Variants in LPIN2 observed in about 807,000 individuals in gnomAD.
LPIN2 encodes the protein lipin 2.
LPIN2 carries 55 observed loss-of-function variants against 111.4 expected under a neutral mutation model. That is an observed-to-expected ratio of 0.49 (90% CI 0.40 to 0.62). The LOEUF is 0.62. Among genes scored for constraint, LPIN2 ranks in the 20% least tolerant of loss-of-function variants. LPIN2 has a pLI of 0.00. For synonymous variants in LPIN2, 425 were observed against 414.0 expected (o/e 1.03, Z -0.32); for missense variants, 992 against 1,112.1 (o/e 0.89, Z 1.54).
In LPIN2 at chr18:2,918,273, A is replaced by AAAAAG. The variant is rs2076998413; in HGVS notation, c.*2015_*2019dup. The AAAAAG allele has an allele frequency of 6.6e-6, 1 of 152,256 alleles. No individual in the cohort carries two copies. The highest frequency in any genetic ancestry group is 1.5e-5 in the Non-Finnish European group (1 of 68,046). 9.4% of individuals were successfully genotyped at this position (152,256 alleles called of 1,614,324 possible). ...GTGTCCAAAGAGAAGAGCTGTCAAG[A>AAAAAG]AAAAGAAACTAGTCAAAAACTCTTT... On this transcript the variant is annotated 3_prime_UTR_variant, in exon 20 of 20. Transcript: ENST00000677752.
rs1396933114 is a variant in LPIN2 at position 2,920,860 on chromosome 18, C to T, written c.2464G>A (p.Val822Ile). Residue 822 changes from valine to isoleucine, a missense_variant, in exon 19 of 20, where the codon GTT becomes ATT. Val to Ile is a conservative substitution (Grantham distance 29). Coordinates refer to ENST00000677752, the MANE Select transcript of LPIN2 (RefSeq NM_001375808.2). ...RPNDVYAYTQ[V>I]GVPDCRIFTV... ...AATATTCTACAGTCTGGAACTCCAA[C>T]TTGTGTGTAGGCATAGACATCCTGC... The T allele has an allele frequency of 1.2e-6, 2 of 1,613,824 alleles. No individual in the cohort carries two copies. The highest frequency in any genetic ancestry group is 1.7e-6 in the Non-Finnish European group (2 of 1,179,690).
At chr18:2,966,789 T>C (rs1223156152) in intron 1 of LPIN2, among the ~76,000 whole-genome samples, 5 of 152,138 alleles carry the variant, frequency 3.3e-5, no homozygotes, top group African/African-American at 1.2e-4. Context: ...CATGGTCCAG[T>C]GTTACAAAGC....
chr18:2,957,933 CTGAG>C, intron 2 of LPIN2, among the ~76,000 whole-genome samples: 1 of 151,432 alleles, frequency 6.6e-6, no homozygotes, highest in Admixed American at 6.6e-5. Flanking sequence ...GGTGGATTAC[CTGAG>C]ATCAGGTAAT....
chr18:2,941,274 T>C (rs1278495902), intron 4 of LPIN2, among the ~76,000 whole-genome samples: 5 of 152,202 alleles, frequency 3.3e-5, no homozygotes, highest in African/African-American at 1.2e-4. Flanking sequence ...CTAATTTTCT[T>C]CTTTGTTTGG....
chr18:2,961,689 C>T (rs1285046040), intron 1 of LPIN2, among the ~76,000 whole-genome samples: 7 of 152,100 alleles, frequency 4.6e-5, no homozygotes, highest in Admixed American at 4.6e-4. Context: ...AACCAAATCC[C>T]CCCCTTCAGT....
intron 8 of LPIN2, among the ~76,000 whole-genome samples, chr18:2,932,351 T>G (rs1598532919): frequency 6.6e-6 from 1 of 152,344 alleles, no homozygotes; most frequent in East Asian, 1.9e-4. Flanking sequence ...ACTGGCTCTT[T>G]CAAACAAATC....
Position 2,921,797 on chromosome 18 carries a change from C to CT in LPIN2, c.2328-151dup. ...TTCTCCTTCTTTGCCAGTCTGATAA[C>CT]TAAGAAAATTTGAGTGATGAAGTTT... On this transcript the variant is annotated intron_variant, in intron 17 of 19. Transcript: ENST00000677752. 6 of 775,364 alleles carry CT rather than the reference C, an allele frequency of 7.7e-6. No individual in the cohort carries two copies. In the South Asian group the frequency reaches 9.8e-5, roughly 13 times the overall value. 48.0% of individuals were successfully genotyped at this position (775,364 alleles called of 1,614,324 possible). A position where few individuals can be genotyped will look rare whatever the true frequency, so the allele number is the denominator to read the frequency against.
intron 1 of LPIN2, among the ~76,000 whole-genome samples, chr18:2,976,761 TAAG>T (rs2078024784): frequency 6.6e-6 from 1 of 152,154 alleles, no homozygotes; most frequent in African/African-American, 2.4e-5. Flanking sequence ...CTTTTTAGTA[TAAG>T]AAGAAATGAT....
intron 1 of LPIN2, among the ~76,000 whole-genome samples, chr18:2,973,166 C>T (rs1208437233): frequency 6.6e-6 from 1 of 152,028 alleles, no homozygotes; most frequent in Non-Finnish European, 1.5e-5. Context: ...ATAGCTGTAC[C>T]TTGAACTATT....
Position 2,924,462 on chromosome 18 carries a change from T to C in LPIN2, c.2023A>G (p.Thr675Ala), listed in dbSNP as rs1247386252. The change falls in exon 15 of 20, where the codon ACC becomes GCC. Residue 675 changes from threonine to alanine, a missense_variant. By Grantham distance (58) the Thr-to-Ala change is moderately conservative (BLOSUM62 0). Transcript: ENST00000677752. ...TCATTCCAGTTCCACAGGTAAATGG[T>C]CCCTGCACAGCGACAGGTGCCTTGA... ...QYQGTCRCAG[T>A]IYLWNWNDKI... is the part of the protein sequence containing the mutation. 6.2e-7 allele frequency: 1 copy of C among 1,614,148 alleles called. No individual in the cohort carries two copies. Among genetic ancestry groups the C allele is most frequent in the Non-Finnish European group, 8.5e-7 (1 of 1,180,010 alleles).
At chr18:2,958,163 A>AAAAAAAAAAAAAAAAAAG (rs1568571278) in intron 2 of LPIN2, among the ~76,000 whole-genome samples, 2 of 142,664 alleles carry the variant, frequency 1.4e-5, no homozygotes, top group Non-Finnish European at 3.1e-5. Flanking sequence ...AAAAACAACA[A>AAAAAAAAAAAAAAAAAAG]AAAAAAAAAA....
At chr18:3,012,526 A>T (rs1206993588) in intron 1 of LPIN2, among the ~76,000 whole-genome samples, 2 of 152,208 alleles carry the variant, frequency 1.3e-5, no homozygotes, top group Admixed American at 6.5e-5. Flanking sequence ...ACCACATTTG[A>T]ATCCGGTCCA....
chr18:2,978,178 C>T (rs1567849962), intron 1 of LPIN2, among the ~76,000 whole-genome samples: 1 of 151,606 alleles, frequency 6.6e-6, no homozygotes, highest in Non-Finnish European at 1.5e-5. Context: ...CAGAGCAAGA[C>T]TCTGTCTTTT....
At chr18:3,006,759 C>A (rs2078522384) in intron 1 of LPIN2, among the ~76,000 whole-genome samples, 1 of 151,992 alleles carries the variant, frequency 6.6e-6, no homozygotes, top group Non-Finnish European at 1.5e-5. Context: ...ATGGCATGAA[C>A]CCGGGAGGCG....
At chr18:2,938,668 C>T (rs193235154) in intron 6 of LPIN2, among the ~76,000 whole-genome samples, 3 of 152,328 alleles carry the variant, frequency 2.0e-5, no homozygotes, top group Non-Finnish European at 4.4e-5. Flanking sequence ...CCTTGGACCA[C>T]ATCAAGGCTC....
chr18:2,955,711 T>G (rs1318021172), intron 2 of LPIN2, among the ~76,000 whole-genome samples: 1 of 151,796 alleles, frequency 6.6e-6, no homozygotes, highest in Non-Finnish European at 1.5e-5. Context: ...AGGTCAAGAG[T>G]TCGAGACCAA....
intron 9 of LPIN2, among the ~76,000 whole-genome samples, chr18:2,929,393 A>AAAAAG (rs1242700770): frequency 6.6e-6 from 1 of 152,222 alleles, no homozygotes; most frequent in African/African-American, 2.4e-5. Context: ...ACAAACTAGT[A>AAAAAG]AAAAGGGACA....
At chr18:2,923,334 C>G (rs1048185077) in intron 16 of LPIN2, among the ~76,000 whole-genome samples, 2 of 135,182 alleles carry the variant, frequency 1.5e-5, no homozygotes, top group African/African-American at 5.4e-5. Flanking sequence ...GCAGAAGAAT[C>G]ACTTGAACCC....
intron 7 of LPIN2, 76 bp downstream of exon 7, chr18:2,937,616 T>A: frequency 7.2e-6 from 6 of 838,836 alleles, no homozygotes; most frequent in African/African-American, 1.8e-5. Flanking sequence ...GAGGCAGCCA[T>A]CACGTTATGT....
Sources: allele counts gnomAD v4.1 joint callset (sites outside exome capture counted in the v4.1 genomes callset), GRCh38; gene constraint gnomAD v4.1.1; transcripts MANE v1.5; gene names NCBI Gene and HGNC (gene_info 2026-07-23, HGNC 2026-07-21).